The following PDE2A variants were observed in gnomAD, a reference collection of about 807,000 sequenced individuals.
The protein encoded by PDE2A is cGMP-dependent 3',5'-cyclic phosphodiesterase.
Under a neutral mutation model 133.6 loss-of-function variants are expected in PDE2A, and 53 were observed. The observed-to-expected ratio is 0.40, with a 90% CI of 0.32 to 0.50. The LOEUF (loss-of-function observed/expected upper bound fraction) is 0.50, where lower values mean the gene tolerates loss of function less well. Among genes scored for constraint, PDE2A ranks in the 20% least tolerant of loss-of-function variants. The pLI, the probability that PDE2A is intolerant of heterozygous loss-of-function variation, is 0.73. For synonymous variants in PDE2A, 491 were observed against 490.2 expected (o/e 1.00, Z -0.02); for missense variants, 796 against 1,232.4 (o/e 0.65, Z 5.30).
At chr11:72,638,265 TGATGA>T (rs1444783316) in intron 2 of PDE2A, among the ~76,000 whole-genome samples, 1 of 152,226 alleles carries the variant, frequency 6.6e-6, no homozygotes, top group Admixed American at 6.5e-5. Flanking sequence ...AGATGCTGCC[TGATGA>T]GATGAGAGTC....
chr11:72,663,232 G>C (rs1207548524), intron 1 of PDE2A, among the ~76,000 whole-genome samples: 1 of 152,184 alleles, frequency 6.6e-6, no homozygotes, highest in East Asian at 1.9e-4. Flanking sequence ...GGGCACACCA[G>C]GGCACCCTCA....
chr11:72,611,879 T>C (rs763595760), intron 2 of PDE2A, among the ~76,000 whole-genome samples: 33 of 152,116 alleles, frequency 2.2e-4, no homozygotes, highest in Admixed American at 4.6e-4. Flanking sequence ...TTCACCCCCA[T>C]TGCACCAACT....
intron 6 of PDE2A, 77 bp from the exon 7 acceptor site, chr11:72,591,433 A>G: frequency 9.3e-7 from 1 of 1,080,424 alleles, no homozygotes; most frequent in Non-Finnish European, 1.4e-6. Flanking sequence ...CCCCATGCGC[A>G]GCACACACTG....
chr11:72,631,225 G>A, intron 2 of PDE2A: 2 of 1,050,470 alleles, frequency 1.9e-6, no homozygotes, highest in South Asian at 1.7e-5. Context: ...CCCCCAGCAA[G>A]CCCACGGATG....
chr11:72,631,982 G>A (rs1291775468), intron 2 of PDE2A, among the ~76,000 whole-genome samples: 5 of 152,216 alleles, frequency 3.3e-5, no homozygotes, highest in African/African-American at 7.2e-5. Context: ...AGCCTGGCGC[G>A]GGTGCAGGGG....
intron 1 of PDE2A, among the ~76,000 whole-genome samples, chr11:72,663,843 G>A (rs1591143947): frequency 3.3e-5 from 5 of 152,088 alleles, no homozygotes; most frequent in African/African-American, 1.2e-4. Context: ...GTGTGACCTT[G>A]GGCAAGTCCA....
intron 1 of PDE2A, among the ~76,000 whole-genome samples, chr11:72,664,182 G>A (rs934864836): frequency 2.0e-4 from 31 of 151,934 alleles, no homozygotes; most frequent in Admixed American, 7.9e-4. Context: ...CACTCTCCTC[G>A]GCCCCCCTCT....
chr11:72,654,627 C>A (rs1230395996), intron 1 of PDE2A, among the ~76,000 whole-genome samples: 8 of 152,090 alleles, frequency 5.3e-5, no homozygotes, highest in African/African-American at 1.9e-4. Context: ...CTCTCCTCCG[C>A]CCCAAGCTAC....
At chr11:72,609,717 C>T (rs1226612431) in intron 2 of PDE2A, among the ~76,000 whole-genome samples, 1 of 152,066 alleles carries the variant, frequency 6.6e-6, no homozygotes, top group Non-Finnish European at 1.5e-5. Context: ...ACCAGCCATG[C>T]CCTCCCGCAA....
intron 20 of PDE2A, among the ~76,000 whole-genome samples, chr11:72,583,042 G>A (rs546329864): frequency 6.6e-6 from 1 of 152,218 alleles, no homozygotes; most frequent in African/African-American, 2.4e-5. Flanking sequence ...GTGACCCAGG[G>A]TAGGGAATGG....
intron 3 of PDE2A, 126 bp downstream of exon 3, chr11:72,608,536 A>G: frequency 3.3e-6 from 2 of 607,786 alleles, no homozygotes; most frequent in Non-Finnish European, 6.1e-6. Context: ...TCACTTCCCC[A>G]TGAAAGTCCT....
chr11:72,584,479 G>A, intron 18 of PDE2A, 72 bp downstream of exon 18: 1 of 1,493,878 alleles, frequency 6.7e-7, no homozygotes, highest in Non-Finnish European at 9.1e-7. Flanking sequence ...GGGAAGTGTT[G>A]CCACCCCCGC....
intron 2 of PDE2A, among the ~76,000 whole-genome samples, chr11:72,625,322 C>A (rs998381584): frequency 1.3e-5 from 2 of 152,224 alleles, no homozygotes; most frequent in Admixed American, 1.3e-4. Context: ...GGCCTCGCCC[C>A]AGCCCCAGGG....
intron 1 of PDE2A, chr11:72,652,481 T>G (rs540637992): frequency 5.7e-5 from 26 of 454,788 alleles, no homozygotes; most frequent in Non-Finnish European, 1.1e-4. Context: ...CTCCAGCATA[T>G]GTGAGGTGCA....
At position 72,597,748 on chromosome 11, in the gene PDE2A, T is replaced by A; in HGVS notation, c.324-129A>T. On this transcript the variant is annotated intron_variant, in intron 4 of 30. Transcript: ENST00000334456. The surrounding 1 kb of genome is among the most constrained non-coding windows in gnomAD (Gnocchi z 4.6). ...TCTGGGCAAGCTGACCTGCCTCAGG[T>A]TGGACACGATGACAGCACAAGTAAA... 1.6e-6 allele frequency: 1 copy of A among 620,116 alleles called. No individual in the cohort carries two copies. Among genetic ancestry groups the A allele is most frequent in the Admixed American group, 2.8e-5 (1 of 36,354 alleles). The allele number at this position is 620,116 out of a possible 1,614,324, so 38.4% of individuals were successfully genotyped here. A position where few individuals can be genotyped will look rare whatever the true frequency, so the allele number is the denominator to read the frequency against.
At chr11:72,664,994 CAG>C (rs1855193497) in intron 1 of PDE2A, among the ~76,000 whole-genome samples, 1 of 152,064 alleles carries the variant, frequency 6.6e-6, no homozygotes, top group Non-Finnish European at 1.5e-5. Flanking sequence ...TTAGTAAAGA[CAG>C]AGTTTCTCCA....
chr11:72,607,892 C>T (rs1857043710), intron 3 of PDE2A, among the ~76,000 whole-genome samples: 1 of 152,226 alleles, frequency 6.6e-6, no homozygotes, highest in African/African-American at 2.4e-5. Flanking sequence ...AGACTCCCTT[C>T]TCCAGGCTTC....
At chr11:72,593,921 A>G (rs1856365032) in intron 6 of PDE2A, among the ~76,000 whole-genome samples, 1 of 152,120 alleles carries the variant, frequency 6.6e-6, no homozygotes, top group Non-Finnish European at 1.5e-5. Context: ...CTTGTTTTGC[A>G]GTATTTTTGT....
intron 2 of PDE2A, among the ~76,000 whole-genome samples, chr11:72,622,433 G>A (rs1481499372): frequency 1.3e-5 from 2 of 152,242 alleles, no homozygotes; most frequent in South Asian, 2.1e-4. Flanking sequence ...ACTCACAATA[G>A]CTAAAATGTG....
Sources: allele counts gnomAD v4.1 joint callset (sites outside exome capture counted in the v4.1 genomes callset), GRCh38; gene constraint gnomAD v4.1.1; non-coding constraint Gnocchi (gnomAD v3.1); transcripts MANE v1.5; gene names NCBI Gene and HGNC (gene_info 2026-07-23, HGNC 2026-07-21).